Variants in LIN52 observed in about 807,000 individuals in gnomAD.
LIN52 encodes protein lin-52 homolog.
Under a neutral mutation model 18.5 loss-of-function variants are expected in LIN52, and 4 were observed. That is an observed-to-expected ratio of 0.22 (90% confidence interval 0.11 to 0.49). LIN52 has a LOEUF of 0.49. Ranked by LOEUF, LIN52 falls within the 20% of genes least tolerant of loss-of-function variation. The probability of loss-of-function intolerance (pLI) is 0.97; values close to 1 mark genes in which losing one functional copy is unlikely to be tolerated. For missense variants in LIN52, 102 were observed against 139.5 expected (o/e 0.73, Z 1.35); for synonymous variants, 34 against 45.5 (o/e 0.75, Z 1.02).
intron 5 of LIN52, among the ~76,000 whole-genome samples, chr14:74,110,402 A>G (rs2060919272): frequency 6.6e-6 from 1 of 152,170 alleles, no homozygotes; most frequent in Non-Finnish European, 1.5e-5. Context: ...GATTAAGGCC[A>G]GTGTGGTGGC....
At chr14:74,098,617 G>A (rs190188900) in intron 4 of LIN52, among the ~76,000 whole-genome samples, 28 of 149,348 alleles carry the variant, frequency 1.9e-4, no homozygotes, top group African/African-American at 6.7e-4. Context: ...GTGCGATCTC[G>A]GCTCACTGCA....
intron 5 of LIN52, among the ~76,000 whole-genome samples, chr14:74,131,925 A>T (rs1236910084): frequency 6.6e-6 from 1 of 152,194 alleles, no homozygotes; most frequent in East Asian, 1.9e-4. Flanking sequence ...TAGAGTCACA[A>T]CCCTGTAATA....
At chr14:74,142,665 A>C (rs778664002) in intron 5 of LIN52, among the ~76,000 whole-genome samples, 3 of 151,620 alleles carry the variant, frequency 2.0e-5, no homozygotes, top group Non-Finnish European at 4.4e-5. Flanking sequence ...ACTGCTCTAG[A>C]CCAAAGGTCA....
chr14:74,092,259 A>G (rs2060777673), intron 2 of LIN52, among the ~76,000 whole-genome samples: 1 of 150,422 alleles, frequency 6.6e-6, no homozygotes, highest in Admixed American at 6.7e-5. Context: ...GGTGTGAGCC[A>G]CCGTGCCTAG....
At chr14:74,197,099 C>A (rs1161433905) in intron 5 of LIN52, among the ~76,000 whole-genome samples, 2 of 152,152 alleles carry the variant, frequency 1.3e-5, no homozygotes, top group Non-Finnish European at 2.9e-5. Flanking sequence ...ATAAGCAAGG[C>A]ACATTTAAAA....
intron 5 of LIN52, among the ~76,000 whole-genome samples, chr14:74,122,276 A>G (rs2061004531): frequency 6.6e-6 from 1 of 152,208 alleles, no homozygotes; most frequent in Non-Finnish European, 1.5e-5. Flanking sequence ...GCTATGTAGG[A>G]GAATATCCTT....
chr14:74,134,629 C>T (rs2061087333), intron 5 of LIN52, among the ~76,000 whole-genome samples: 1 of 150,746 alleles, frequency 6.6e-6, no homozygotes, highest in Admixed American at 6.6e-5. Context: ...TCCCTCTGGC[C>T]CCCCTCCCCC....
At chr14:74,195,543 G>GGTGTGTGT (rs1450911522) in intron 5 of LIN52, among the ~76,000 whole-genome samples, 1 of 102,002 alleles carries the variant, frequency 9.8e-6, no homozygotes, top group Admixed American at 1.2e-4. Context: ...GGTGTGTGTG[G>GGTGTGTGT]GTGTGTGTGT....
chr14:74,132,692 A>G (rs1489664698), intron 5 of LIN52, among the ~76,000 whole-genome samples: 2 of 152,148 alleles, frequency 1.3e-5, no homozygotes, highest in Admixed American at 1.3e-4. Flanking sequence ...TATTTTTAGT[A>G]GAGACAGGTT....
At chr14:74,093,720 C>CTT (rs1238528483) in intron 2 of LIN52, among the ~76,000 whole-genome samples, 3 of 152,308 alleles carry the variant, frequency 2.0e-5, no homozygotes, top group South Asian at 4.1e-4. Flanking sequence ...AATCCAAGCA[C>CTT]TTTGAGAGGC....
At chr14:74,135,736 G>A (rs1254423680) in intron 5 of LIN52, among the ~76,000 whole-genome samples, 2 of 152,020 alleles carry the variant, frequency 1.3e-5, no homozygotes, top group Non-Finnish European at 2.9e-5. Context: ...CTTAACAAGG[G>A]ATAAACTACT....
intron 5 of LIN52, among the ~76,000 whole-genome samples, chr14:74,175,748 A>ACACACACACC (rs796441764): frequency 0.086 from 8,472 of 98,640 alleles, 307 homozygotes; most frequent in South Asian, 0.1. Context: ...ACACACACAC[A>ACACACACACC]CACCCCCATT....
At chr14:74,183,774 A>AT (rs1428752080) in intron 5 of LIN52, among the ~76,000 whole-genome samples, 1 of 152,160 alleles carries the variant, frequency 6.6e-6, no homozygotes, top group African/African-American at 2.4e-5. Flanking sequence ...CCTAGATGTC[A>AT]TACCATTTCA....
Position 74,200,414 on chromosome 14 carries a change from G to GAAAAAAA in LIN52, c.*1460_*1466dup, listed in dbSNP as rs59209603. On this transcript the variant is annotated 3_prime_UTR_variant, in exon 6 of 6. Coordinates refer to ENST00000555028, the MANE Select transcript of LIN52 (RefSeq NM_001024674.3). ...GGCAACAGAGTGAGACTCTGTCTCA[G>GAAAAAAA]AAAAAAAAAAAAAAAAAAAAAAAAA... 44 of 90,322 alleles carry GAAAAAAA rather than the reference G, an allele frequency of 4.9e-4. 1 individual carries two copies. Among genetic ancestry groups the GAAAAAAA allele is most frequent in the African/African-American group, 1.9e-3 (39 of 20,638 alleles). The allele number at this position is 90,322 out of a possible 1,614,324, so 5.6% of individuals were successfully genotyped here.
At chr14:74,085,548 C>G (rs900728826) in intron 1 of LIN52, 3 of 152,210 alleles carry the variant, frequency 2.0e-5, no homozygotes, top group African/African-American at 7.2e-5. Flanking sequence ...GGCCCCTCGC[C>G]CTGAGAGTCG....
chr14:74,114,633 C>G (rs1456159680), intron 5 of LIN52, among the ~76,000 whole-genome samples: 1 of 152,162 alleles, frequency 6.6e-6, no homozygotes, highest in African/African-American at 2.4e-5. Context: ...AATTCTTTTA[C>G]TTGCTCCTTT....
intron 2 of LIN52, among the ~76,000 whole-genome samples, chr14:74,094,927 T>A (rs1418394469): frequency 6.6e-6 from 1 of 151,894 alleles, no homozygotes; most frequent in Non-Finnish European, 1.5e-5. Context: ...GGGGTTTCAC[T>A]GTGTTGCCCA....
intron 5 of LIN52, among the ~76,000 whole-genome samples, chr14:74,116,822 C>T (rs969311469): frequency 1.3e-5 from 2 of 148,278 alleles, no homozygotes; most frequent in Admixed American, 6.7e-5. Context: ...TACAATTTTA[C>T]AGCAGGTGTT....
At chr14:74,097,710 C>T (rs1349410365) in intron 3 of LIN52, 84 bp from the exon 4 acceptor site, 22 of 1,019,272 alleles carry the variant, frequency 2.2e-5, no homozygotes, top group Middle Eastern at 2.1e-4. Flanking sequence ...CCACCGCATC[C>T]GGCCCAGGCT....
Sources: gnomAD v4.1 joint callset for allele counts (sites outside exome capture counted in the v4.1 genomes callset) on GRCh38, gnomAD v4.1.1 for gene constraint, MANE v1.5 for transcripts, NCBI Gene and HGNC (gene_info 2026-07-23, HGNC 2026-07-21) for gene names.